Variants in ZHX3 observed in about 807,000 individuals in gnomAD.
ZHX3 encodes the protein zinc fingers and homeoboxes 3.
In ZHX3, 20 loss-of-function variants were observed where a neutral mutation model predicts 64.5. The observed-to-expected ratio is 0.31, with a 90% CI of 0.22 to 0.45. The LOEUF (loss-of-function observed/expected upper bound fraction) is 0.45. ZHX3 is among the 20% of genes least tolerant of loss of function. ZHX3 has a pLI of 1.00. For synonymous variants in ZHX3, 423 were observed against 461.6 expected (o/e 0.92, Z 1.07); for missense variants, 1,041 against 1,195.8 (o/e 0.87, Z 1.91).
At chr20:41,244,761 G>A (rs750097282) in intron 2 of ZHX3, among the ~76,000 whole-genome samples, 3 of 152,156 alleles carry the variant, frequency 2.0e-5, no homozygotes, top group South Asian at 2.1e-4. Flanking sequence ...GAATTCCCAC[G>A]CCCATTTGGG....
In ZHX3 at chr20:41,228,809, A is replaced by G. The variant is rs144751157; in HGVS notation, c.-150-23743T>C. 1.3e-5 allele frequency among the ~76,000 whole-genome samples: 2 copies of G among 152,212 alleles called. No homozygotes were observed. The highest frequency in any genetic ancestry group is 1.3e-4 in the Admixed American group (2 of 15,282). ...TTTTTTCCTAGTTTCCTTTATTCACATCTCTCTTTTCTCTTTTCCCACATG... is the reference window on the plus strand; with the variant it reads ...TTTTTTCCTAGTTTCCTTTATTCACGTCTCTCTTTTCTCTTTTCCCACATG... On this transcript the variant is annotated intron_variant, in intron 2 of 3. Transcript: ENST00000683867. The surrounding 1 kb of genome is among the most constrained non-coding windows in gnomAD (Gnocchi z 4.6).
intron 3 of ZHX3, among the ~76,000 whole-genome samples, chr20:41,199,558 A>G (rs1175636814): frequency 6.6e-6 from 1 of 152,108 alleles, no homozygotes; most frequent in African/African-American, 2.4e-5. Flanking sequence ...AAAAGGAGGA[A>G]TAAAGAAAAA....
chr20:41,273,615 T>C (rs2043250197), intron 1 of ZHX3, among the ~76,000 whole-genome samples: 1 of 152,206 alleles, frequency 6.6e-6, no homozygotes, highest in Non-Finnish European at 1.5e-5. Context: ...GAGATTGTCC[T>C]TTCCCCAGTG....
chr20:41,305,954 G>A (rs182472043), intron 1 of ZHX3, among the ~76,000 whole-genome samples: 4 of 151,978 alleles, frequency 2.6e-5, no homozygotes, highest in Admixed American at 2.6e-4. Context: ...CTATATTGTG[G>A]TATGTATTGT....
At chr20:41,187,015 G>A (rs1003193011) in intron 3 of ZHX3, among the ~76,000 whole-genome samples, 7 of 152,076 alleles carry the variant, frequency 4.6e-5, no homozygotes, top group East Asian at 3.9e-4. Context: ...TATGCTTTGA[G>A]TGTCATACAT....
At chr20:41,252,887 T>C (rs559623952) in intron 2 of ZHX3, among the ~76,000 whole-genome samples, 2 of 152,326 alleles carry the variant, frequency 1.3e-5, no homozygotes, top group Admixed American at 1.3e-4. Context: ...GTCTGTTATA[T>C]GTAAGATGCC....
rs1275048672 is a variant in ZHX3 at position 41,200,685 on chromosome 20, T to A, written c.2860+1372A>T. Among the ~76,000 whole-genome samples, 2 of 152,182 alleles carry A rather than the reference T, an allele frequency of 1.3e-5. No homozygotes were observed. The highest frequency in any genetic ancestry group is 4.8e-5 in the African/African-American group (2 of 41,438). ...TTTGGGCTCCACCAGGTGTTTGCTC[T>A]CACTGTGGGCTTTGTGGAACTGGAT... On this transcript the variant is annotated intron_variant, in intron 3 of 3. Transcript: ENST00000683867. This position sits in a 1 kb window ranked among gnomAD's most constrained non-coding sequence, Gnocchi z 4.2.
intron 1 of ZHX3, among the ~76,000 whole-genome samples, chr20:41,280,053 G>A (rs1568937800): frequency 1.3e-5 from 2 of 152,142 alleles, no homozygotes; most frequent in African/African-American, 4.8e-5. Context: ...CACAGGCGCT[G>A]GGACTACAGA....
intron 2 of ZHX3, among the ~76,000 whole-genome samples, chr20:41,258,299 A>G (rs1250505418): frequency 6.6e-6 from 1 of 152,204 alleles, no homozygotes; most frequent in African/African-American, 2.4e-5. Flanking sequence ...CAGCTTCCCC[A>G]GTGTTAGCAT....
At chr20:41,316,305 C>T (rs2045286281) in intron 1 of ZHX3, among the ~76,000 whole-genome samples, 1 of 152,074 alleles carries the variant, frequency 6.6e-6, no homozygotes. Context: ...TGGATTTTTC[C>T]ACTGTATGTC....
chr20:41,235,587 ACT>A (rs2040924259), intron 2 of ZHX3, among the ~76,000 whole-genome samples: 1 of 152,170 alleles, frequency 6.6e-6, no homozygotes, highest in African/African-American at 2.4e-5. Flanking sequence ...AATGCTAAAA[ACT>A]CTCAATAAAT....
chr20:41,284,131 A>G (rs951785951), intron 1 of ZHX3, among the ~76,000 whole-genome samples: 5 of 152,206 alleles, frequency 3.3e-5, no homozygotes, highest in African/African-American at 9.7e-5. Flanking sequence ...TAATGTTTCA[A>G]TTACCAAATA....
intron 2 of ZHX3, chr20:41,254,457 CTGT>C (rs1161895988): frequency 1.3e-5 from 2 of 152,146 alleles, no homozygotes; most frequent in African/African-American, 4.8e-5. Context: ...GAAGTGCTAG[CTGT>C]TATTATGTCA....
At chr20:41,277,393 C>A (rs2043435806) in intron 1 of ZHX3, among the ~76,000 whole-genome samples, 1 of 152,160 alleles carries the variant, frequency 6.6e-6, no homozygotes, top group African/African-American at 2.4e-5. Context: ...AGTTTTCCAT[C>A]ATGTTGCATC....
chr20:41,262,477 C>T lies in ZHX3; in HGVS notation c.-151+6513G>A, dbSNP rs139307075. On this transcript the variant is annotated intron_variant, in intron 2 of 3. Coordinates refer to ENST00000683867, the MANE Select transcript of ZHX3 (RefSeq NM_001384317.1). ...CACTTTATCCTCTTTCTCACAAAGCCCTGCTGGTACATACAGTAACATTTA... is the reference window on the plus strand; with the variant it reads ...CACTTTATCCTCTTTCTCACAAAGCTCTGCTGGTACATACAGTAACATTTA... Among the ~76,000 whole-genome samples the T allele has an allele frequency of 2.4e-3, 366 of 152,294 alleles. 1 individual carries two copies. Among genetic ancestry groups the T allele is most frequent in the Non-Finnish European group, 3.9e-3 (263 of 68,026 alleles).
intron 1 of ZHX3, among the ~76,000 whole-genome samples, chr20:41,274,712 A>G (rs968283870): frequency 2.0e-5 from 3 of 152,240 alleles, no homozygotes; most frequent in Non-Finnish European, 4.4e-5. Flanking sequence ...TGAAACCAGT[A>G]GATTATGAGT....
Position 41,195,479 on chromosome 20 carries a change from G to A in ZHX3, c.2860+6578C>T, listed in dbSNP as rs1399937658. On this transcript the variant is annotated intron_variant, in intron 3 of 3. Transcript: ENST00000683867. The surrounding 1 kb of genome is among the most constrained non-coding windows in gnomAD (Gnocchi z 4.2). ...TGCCCAGGCTGGAGTGCAATGGTGCGGTCTCAGTTCACTGCAACCTCTGCC... is the reference window on the plus strand; with the variant it reads ...TGCCCAGGCTGGAGTGCAATGGTGCAGTCTCAGTTCACTGCAACCTCTGCC... Among the ~76,000 whole-genome samples, 5 of 152,230 alleles carry A rather than the reference G, an allele frequency of 3.3e-5. No homozygotes were observed. Among genetic ancestry groups the A allele is most frequent in the East Asian group, 3.9e-4 (2 of 5,186 alleles).
chr20:41,262,580 G>T (rs2042616741), intron 2 of ZHX3, among the ~76,000 whole-genome samples: 1 of 152,096 alleles, frequency 6.6e-6, no homozygotes, highest in South Asian at 2.1e-4. Flanking sequence ...CAGTACACCT[G>T]ACACATCACA....
At chr20:41,208,162 T>C (rs1011904996) in intron 2 of ZHX3, among the ~76,000 whole-genome samples, 4 of 152,188 alleles carry the variant, frequency 2.6e-5, no homozygotes, top group African/African-American at 9.7e-5. Context: ...AATCCCTGAA[T>C]ACACCAATAA....
Sources: allele counts gnomAD v4.1 joint callset (sites outside exome capture counted in the v4.1 genomes callset), GRCh38; gene constraint gnomAD v4.1.1; non-coding constraint Gnocchi (gnomAD v3.1); transcripts MANE v1.5; gene names NCBI Gene and HGNC (gene_info 2026-07-23, HGNC 2026-07-21).